The following DENND5A variants were observed in gnomAD, a reference collection of about 807,000 sequenced individuals.
DENND5A encodes DENN domain-containing protein 5A.
DENND5A carries 64 observed loss-of-function variants against 140.3 expected under a neutral mutation model. That is an observed-to-expected ratio of 0.46 (90% confidence interval 0.37 to 0.56). The LOEUF is 0.56. DENND5A is among the 20% of genes least tolerant of loss of function. The pLI is 0.00. For missense variants in DENND5A, 1,292 were observed against 1,593.8 expected (o/e 0.81, Z 3.22); for synonymous variants, 605 against 607.7 (o/e 1.00, Z 0.07).
At position 9,139,668 on chromosome 11, in the gene DENND5A, A is replaced by G. The variant is rs2136106696; in HGVS notation, c.*3T>C. On this transcript the variant is annotated 3_prime_UTR_variant, in exon 23 of 23. Coordinates refer to ENST00000328194, the MANE Select transcript of DENND5A (RefSeq NM_015213.4). Reference sequence around the variant, plus strand: ...AGTCCTGCTGCTGGCTGGTGCTGGGAGGTCAGATGTCGATGCCCTTGACAA... The same window carrying G: ...AGTCCTGCTGCTGGCTGGTGCTGGGGGGTCAGATGTCGATGCCCTTGACAA... The G allele has an allele frequency of 6.2e-7, 1 of 1,612,448 alleles. No homozygotes were observed. The highest frequency in any genetic ancestry group is 1.7e-4 in the Middle Eastern group (1 of 6,036).
chr11:9,145,111 G>A lies in DENND5A; in HGVS notation c.3006C>T (p.Cys1002=). ...CAGTAGTAAGCTTCCCCAAGTTCTG[G>A]CACTATTAGAGAATAGAGAAGATGA... ...PRNVLEMTFE[C]QNLGKLTTVQ... The change falls in exon 18 of 23, where the codon TGC becomes TGT. Residue 1002 remains cysteine, a splice_region_variant and synonymous_variant. Coordinates refer to ENST00000328194, the MANE Select transcript of DENND5A (RefSeq NM_015213.4). 1 of 1,606,894 alleles carries A rather than the reference G, an allele frequency of 6.2e-7. No individual in the cohort carries two copies. The highest frequency in any genetic ancestry group is 2.2e-5 in the East Asian group (1 of 44,836).
chr11:9,255,895 G>A (rs1319183259), intron 1 of DENND5A, among the ~76,000 whole-genome samples: 1 of 151,260 alleles, frequency 6.6e-6, no homozygotes, highest in Non-Finnish European at 1.5e-5. Flanking sequence ...GCTTGGTAAC[G>A]GGTACCTGTA....
intron 8 of DENND5A, chr11:9,170,995 G>A: frequency 1.3e-6 from 1 of 741,116 alleles, no homozygotes; most frequent in Non-Finnish European, 2.1e-6. Context: ...TGAAGGGCAG[G>A]ACCCTGAGAA....
intron 1 of DENND5A, among the ~76,000 whole-genome samples, chr11:9,237,097 G>C (rs1851035629): frequency 6.6e-6 from 1 of 152,178 alleles, no homozygotes; most frequent in African/African-American, 2.4e-5. Flanking sequence ...AAGATGTTCA[G>C]CCTAATAATT....
intron 13 of DENND5A, among the ~76,000 whole-genome samples, chr11:9,152,146 T>C (rs1847637623): frequency 6.6e-6 from 1 of 152,184 alleles, no homozygotes; most frequent in Non-Finnish European, 1.5e-5. Flanking sequence ...ATCTTGCCGA[T>C]AAAAAGGGTA....
chr11:9,229,428 T>G (rs991317252), intron 1 of DENND5A, among the ~76,000 whole-genome samples: 1 of 152,022 alleles, frequency 6.6e-6, no homozygotes, highest in African/African-American at 2.4e-5. Context: ...ACCTCAGAAA[T>G]AGCCTCAGAA....
chr11:9,161,501 T>C (rs1267108810), intron 11 of DENND5A, among the ~76,000 whole-genome samples: 1 of 152,246 alleles, frequency 6.6e-6, no homozygotes, highest in Admixed American at 6.5e-5. Flanking sequence ...ATTGTCTGAT[T>C]CCCACTGCTT....
intron 1 of DENND5A, among the ~76,000 whole-genome samples, chr11:9,209,812 T>C (rs1210726719): frequency 6.6e-6 from 1 of 152,016 alleles, no homozygotes; most frequent in Non-Finnish European, 1.5e-5. Flanking sequence ...GTTTTAAGAA[T>C]AAACAGTAAG....
intron 4 of DENND5A, among the ~76,000 whole-genome samples, chr11:9,196,408 A>G (rs1849330368): frequency 6.6e-6 from 1 of 152,102 alleles, no homozygotes; most frequent in African/African-American, 2.4e-5. Context: ...GTATGCTCCC[A>G]TTTGTGTTCT....
At chr11:9,221,330 C>G (rs536255318) in intron 1 of DENND5A, among the ~76,000 whole-genome samples, 1 of 151,988 alleles carries the variant, frequency 6.6e-6, no homozygotes, top group South Asian at 2.1e-4. Context: ...ACTCAGGAGG[C>G]TGAGGCAGAA....
Position 9,191,350 on chromosome 11 carries a change from G to A in DENND5A, c.1137+2144C>T, listed in dbSNP as rs1468308056. On this transcript the variant is annotated intron_variant, in intron 5 of 22. Transcript: ENST00000328194. ...GGCTCCGGGCTTCAACAATTCTCCTGCCTCAGCCTCCCACGTAGCTGGGAC... is the reference window on the plus strand; with the variant it reads ...GGCTCCGGGCTTCAACAATTCTCCTACCTCAGCCTCCCACGTAGCTGGGAC... 3.3e-5 allele frequency among the ~76,000 whole-genome samples: 5 copies of A among 152,114 alleles called. No individual in the cohort carries two copies. In the South Asian group the frequency reaches 1.0e-3, roughly 32 times the overall value.
At chr11:9,179,181 C>A in intron 6 of DENND5A, 108 bp from the exon 7 acceptor site, 6 of 908,574 alleles carry the variant, frequency 6.6e-6, no homozygotes, top group Non-Finnish European at 1.0e-5. Context: ...TGCTAATTTA[C>A]TTAGCAGGAA....
intron 1 of DENND5A, among the ~76,000 whole-genome samples, chr11:9,264,191 A>G (rs992815311): frequency 6.6e-6 from 1 of 152,160 alleles, no homozygotes; most frequent in Non-Finnish European, 1.5e-5. Flanking sequence ...GTGAGTGCCA[A>G]ATCTGGTCAG....
intron 9 of DENND5A, 104 bp from the exon 10 acceptor site, chr11:9,170,053 C>T (rs1462909561): frequency 2.1e-5 from 19 of 923,500 alleles, no homozygotes; most frequent in Non-Finnish European, 2.9e-5. Context: ...ATGCTGGACA[C>T]AGGAAATGAC....
At chr11:9,238,550 G>A (rs565350676) in intron 1 of DENND5A, among the ~76,000 whole-genome samples, 16 of 151,454 alleles carry the variant, frequency 1.1e-4, no homozygotes, top group Non-Finnish European at 2.4e-4. Flanking sequence ...CCGAGTAGCT[G>A]GGACCACAGG....
intron 15 of DENND5A, among the ~76,000 whole-genome samples, chr11:9,148,855 T>A (rs919880280): frequency 6.6e-6 from 1 of 152,156 alleles, no homozygotes; most frequent in Non-Finnish European, 1.5e-5. Context: ...ATCTCCTGCT[T>A]AGAGGTGAGA....
intron 1 of DENND5A, among the ~76,000 whole-genome samples, chr11:9,221,582 T>C (rs890246116): frequency 9.9e-5 from 15 of 152,052 alleles, no homozygotes; most frequent in Admixed American, 9.8e-4. Flanking sequence ...GCCAGGCTGG[T>C]CTTGAACTCC....
intron 1 of DENND5A, among the ~76,000 whole-genome samples, chr11:9,231,677 T>G (rs1590310933): frequency 1.6e-5 from 2 of 124,876 alleles, no homozygotes; most frequent in East Asian, 2.4e-4. Flanking sequence ...ATCGCGCCAT[T>G]GCATTCCAGC....
At chr11:9,157,418 T>C (rs964804764) in intron 12 of DENND5A, among the ~76,000 whole-genome samples, 3 of 152,210 alleles carry the variant, frequency 2.0e-5, no homozygotes, top group African/African-American at 7.2e-5. Flanking sequence ...GTGTACAGAT[T>C]ACTTCATTAT....
Sources: allele counts gnomAD v4.1 joint callset (sites outside exome capture counted in the v4.1 genomes callset), GRCh38; gene constraint gnomAD v4.1.1; transcripts MANE v1.5; gene names NCBI Gene and HGNC (gene_info 2026-07-23, HGNC 2026-07-21).